The following EPB41L2 variants were observed in gnomAD, a reference collection of about 807,000 sequenced individuals.
The protein encoded by EPB41L2 is band 4.1-like protein 2.
Under a neutral mutation model 113.0 loss-of-function variants are expected in EPB41L2, and 43 were observed. The ratio of observed to expected loss-of-function variants is 0.38; its 90% CI spans 0.30 to 0.49. The LOEUF is 0.49. EPB41L2 is among the 20% of genes least tolerant of loss of function. EPB41L2 has a pLI of 0.95. For missense variants in EPB41L2, 1,147 were observed against 1,223.4 expected (o/e 0.94, Z 0.93); for synonymous variants, 442 against 436.7 (o/e 1.01, Z -0.15).
intron 12 of EPB41L2, chr6:130,881,202 ATCAT>A (rs1473348443): frequency 6.6e-6 from 1 of 152,212 alleles, no homozygotes; most frequent in African/African-American, 2.4e-5. Flanking sequence ...TCAAAGGCAA[ATCAT>A]TTAACCTTTA....
At chr6:131,047,698 G>A (rs1407484471) in intron 1 of EPB41L2, among the ~76,000 whole-genome samples, 1 of 152,124 alleles carries the variant, frequency 6.6e-6, no homozygotes, top group African/African-American at 2.4e-5. Context: ...ATACAAACAG[G>A]TTGCTTTGAT....
chr6:130,888,930 G>A (rs1791911013), intron 11 of EPB41L2, among the ~76,000 whole-genome samples: 1 of 152,078 alleles, frequency 6.6e-6, no homozygotes, highest in African/African-American at 2.4e-5. Flanking sequence ...ATATCTCTAT[G>A]TGTCCACCTG....
intron 1 of EPB41L2, among the ~76,000 whole-genome samples, chr6:130,987,496 C>A (rs1043954594): frequency 2.6e-5 from 4 of 152,106 alleles, no homozygotes; most frequent in Admixed American, 6.6e-5. Context: ...AGTTCAAGAC[C>A]AGTCTGCCCA....
intron 3 of EPB41L2, among the ~76,000 whole-genome samples, chr6:130,931,864 T>C (rs944952887): frequency 1.3e-5 from 2 of 152,106 alleles, no homozygotes; most frequent in Non-Finnish European, 2.9e-5. Context: ...AGTACTGCAG[T>C]ATAATCACAG....
At chr6:130,851,141 G>C (rs146783633) in intron 19 of EPB41L2, among the ~76,000 whole-genome samples, 55 of 152,314 alleles carry the variant, frequency 3.6e-4, no homozygotes, top group African/African-American at 1.3e-3. Context: ...CTGCAGAACT[G>C]AAATAGTCAT....
At chr6:130,924,613 C>G (rs555781169) in intron 4 of EPB41L2, among the ~76,000 whole-genome samples, 1 of 152,114 alleles carries the variant, frequency 6.6e-6, no homozygotes, top group African/African-American at 2.4e-5. Flanking sequence ...AGCTCCTGAC[C>G]TCATGATCTG....
chr6:131,002,381 A>G (rs1784542208), intron 1 of EPB41L2, among the ~76,000 whole-genome samples: 1 of 152,206 alleles, frequency 6.6e-6, no homozygotes, highest in Admixed American at 6.5e-5. Context: ...TGGCAATACA[A>G]CAGCCTTGTC....
At chr6:131,037,577 A>C (rs1215669046) in intron 1 of EPB41L2, among the ~76,000 whole-genome samples, 1 of 146,620 alleles carries the variant, frequency 6.8e-6, no homozygotes, top group Non-Finnish European at 1.5e-5. Flanking sequence ...ATACTTTGAA[A>C]ACCTAAAATT....
In EPB41L2 at chr6:130,965,644, C is replaced by CA. The variant is rs35081059; in HGVS notation, c.-14-9146dup. On this transcript the variant is annotated intron_variant, in intron 1 of 19. Coordinates refer to ENST00000337057, the MANE Select transcript of EPB41L2 (RefSeq NM_001431.4). The stretch of plus-strand genomic sequence containing the variant: ...AAGTGGCCAATGGATAAACAGTTAT[C>CA]AAAAAAAAAAAAAAAAAGAAAGAAA... Among the ~76,000 whole-genome samples the CA allele has an allele frequency of 1.7e-3, 213 of 127,856 alleles. 2 individuals are homozygous for CA. Among genetic ancestry groups the CA allele is most frequent in the Middle Eastern group, 8.5e-3 (2 of 236 alleles). The allele number at this position is 127,856 out of a possible 152,430, so 83.9% of individuals were successfully genotyped here.
intron 1 of EPB41L2, among the ~76,000 whole-genome samples, chr6:131,056,826 G>C (rs1018948756): frequency 1.6e-4 from 25 of 152,180 alleles, no homozygotes; most frequent in African/African-American, 5.3e-4. Context: ...GCATCAAATA[G>C]AGTGGACATG....
chr6:130,857,002 T>C (rs1780444464), intron 19 of EPB41L2, among the ~76,000 whole-genome samples: 1 of 152,196 alleles, frequency 6.6e-6, no homozygotes, highest in Non-Finnish European at 1.5e-5. Flanking sequence ...ATATAAATAT[T>C]AAAATGTGAC....
At chr6:130,878,479 A>G (rs1407579712) in intron 13 of EPB41L2, 6 of 434,184 alleles carry the variant, frequency 1.4e-5, no homozygotes, top group African/African-American at 2.1e-5. Context: ...AATGATTTAC[A>G]TTTTAAAGGG....
Position 131,031,511 on chromosome 6 carries a change from T to C in EPB41L2, c.-15+31644A>G, listed in dbSNP as rs181942640. Reference sequence around the variant, plus strand: ...AATTATCTTATTTAACTGGAAATTTTACTAATAATAAATTAAATCCAACTC... The same window carrying C: ...AATTATCTTATTTAACTGGAAATTTCACTAATAATAAATTAAATCCAACTC... On this transcript the variant is annotated intron_variant, in intron 1 of 19. Transcript: ENST00000337057. Among the ~76,000 whole-genome samples, 238 of 152,304 alleles carry C rather than the reference T, an allele frequency of 1.6e-3. 2 individuals are homozygous for C. Among genetic ancestry groups the C allele is most frequent in the East Asian group, 9.6e-4 (5 of 5,190 alleles).
intron 19 of EPB41L2, among the ~76,000 whole-genome samples, chr6:130,856,928 T>C (rs1227889776): frequency 1.3e-5 from 2 of 152,192 alleles, no homozygotes; most frequent in Non-Finnish European, 2.9e-5. Context: ...AATACTCTGG[T>C]TTCTCTTCAG....
chr6:130,873,904 A>G (rs908251943), intron 14 of EPB41L2, among the ~76,000 whole-genome samples: 6 of 152,156 alleles, frequency 3.9e-5, no homozygotes, highest in African/African-American at 1.4e-4. Context: ...CAGCAGAGGA[A>G]AAAGCTTTTG....
chr6:130,982,454 G>A (rs895861195), intron 1 of EPB41L2, among the ~76,000 whole-genome samples: 1 of 152,106 alleles, frequency 6.6e-6, no homozygotes, highest in African/African-American at 2.4e-5. Flanking sequence ...ATGACAGACA[G>A]GGTATAATTC....
intron 4 of EPB41L2, among the ~76,000 whole-genome samples, chr6:130,915,220 G>A (rs1217881908): frequency 6.6e-6 from 1 of 151,592 alleles, no homozygotes; most frequent in Non-Finnish European, 1.5e-5. Context: ...GGAGAATGGC[G>A]TGAACCCGGG....
Position 130,940,727 on chromosome 6 carries a change from C to T in EPB41L2, c.706-14018G>A, listed in dbSNP as rs572227481. Among the ~76,000 whole-genome samples, 5 of 152,226 alleles carry T rather than the reference C, an allele frequency of 3.3e-5. No individual in the cohort carries two copies. In the East Asian group the frequency reaches 9.6e-4, roughly 29 times the overall value. On this transcript the variant is annotated intron_variant, in intron 3 of 19. Coordinates refer to ENST00000337057, the MANE Select transcript of EPB41L2 (RefSeq NM_001431.4). ...AGTGTGATCTGCCCGCCTCGGCCTC[C>T]CAAAGTCCTGGGATTACAAGCATAA... is the stretch of plus-strand genomic sequence containing the variant.
chr6:130,909,295 C>T (rs1426707574), intron 4 of EPB41L2, among the ~76,000 whole-genome samples: 1 of 152,172 alleles, frequency 6.6e-6, no homozygotes, highest in African/African-American at 2.4e-5. Flanking sequence ...TATATACATA[C>T]CAAGCGAACA....
Sources: allele counts gnomAD v4.1 joint callset (sites outside exome capture counted in the v4.1 genomes callset), GRCh38; gene constraint gnomAD v4.1.1; transcripts MANE v1.5; gene names NCBI Gene and HGNC (gene_info 2026-07-23, HGNC 2026-07-21).